Variants in PCDHA2 observed in about 807,000 individuals in gnomAD.
PCDHA2 encodes the protein protocadherin alpha 2.
A neutral mutation model predicts 66.0 loss-of-function variants in PCDHA2; 58 were observed. The ratio of observed to expected loss-of-function variants is 0.88; its 90% CI spans 0.71 to 1.09. PCDHA2 has a LOEUF of 1.09. Ranked by LOEUF, PCDHA2 falls within the 50% of genes least tolerant of loss-of-function variation. PCDHA2 has a pLI of 0.00. For missense variants in PCDHA2, 1,267 were observed against 1,242.3 expected, an observed-to-expected ratio of 1.02 and a Z score of -0.30; for synonymous variants, 634 against 554.0, an observed-to-expected ratio of 1.14 and a Z score of -2.03.
rs782516685 is a variant in PCDHA2, at chr5:140,883,846, G to T, written c.2388+86494G>T. ...ACGCGCTGCAGCCGTTGGACCACGAGGAGCTGGAGCTGTTGCAGTTCCAGG... is the reference window on the plus strand; with the variant it reads ...ACGCGCTGCAGCCGTTGGACCACGATGAGCTGGAGCTGTTGCAGTTCCAGG... On this transcript the variant is annotated intron_variant, in intron 1 of 3. Coordinates refer to ENST00000526136, the MANE Select transcript of PCDHA2 (RefSeq NM_018905.3). 7 of 1,612,790 alleles carry T rather than the reference G, an allele frequency of 4.3e-6. No individual in the cohort carries two copies. In the East Asian group the frequency reaches 1.3e-4, roughly 31 times the overall value.
At chr5:140,827,284 CA>C (rs1769236667) in intron 1 of PCDHA2, among the ~76,000 whole-genome samples, 1 of 152,058 alleles carries the variant, frequency 6.6e-6, no homozygotes, top group African/African-American at 2.4e-5. Flanking sequence ...GCTGAAGAAT[CA>C]AAAACAGCAA....
At chr5:140,805,461 G>A (rs1255344487) in intron 1 of PCDHA2, 5 of 1,015,688 alleles carry the variant, frequency 4.9e-6, no homozygotes, top group African/African-American at 1.7e-5. Flanking sequence ...TTGTGTGAGT[G>A]TAGTTCTTCA....
At chr5:140,882,318 G>T (rs534213144) in intron 1 of PCDHA2, 1 of 1,614,128 alleles carries the variant, frequency 6.2e-7, no homozygotes, top group African/African-American at 1.3e-5. Flanking sequence ...CTACTGCTCT[G>T]GCTTCTGATC....
At chr5:140,857,662 TGGG>T (rs782196034) in intron 1 of PCDHA2, 1 of 1,596,528 alleles carries the variant, frequency 6.3e-7, no homozygotes. Context: ...GCGCGCGCGA[TGGG>T]GGCGTGCCGC....
At chr5:140,808,066 T>A (rs1554124409) in intron 1 of PCDHA2, 1 of 1,614,064 alleles carries the variant, frequency 6.2e-7, no homozygotes. Context: ...AATCCAAGTT[T>A]CACATAGATC....
intron 1 of PCDHA2, chr5:140,854,286 T>A: frequency 1.9e-6 from 1 of 522,000 alleles, no homozygotes; most frequent in Non-Finnish European, 2.5e-6. Flanking sequence ...AGTTTAGTTT[T>A]TATTATTTTG....
At chr5:140,866,322 C>G (rs1235184378) in intron 1 of PCDHA2, 1 of 152,052 alleles carries the variant, frequency 6.6e-6, no homozygotes, top group Non-Finnish European at 1.5e-5. Context: ...TTCAGGGACC[C>G]TGAACTTGGC....
intron 1 of PCDHA2, among the ~76,000 whole-genome samples, chr5:140,798,310 A>T (rs1762314857): frequency 6.6e-6 from 1 of 152,246 alleles, no homozygotes; most frequent in African/African-American, 2.4e-5. Context: ...TATAAGTAAA[A>T]TAACCCATTA....
intron 1 of PCDHA2, chr5:140,857,965 T>C: frequency 6.3e-7 from 1 of 1,597,084 alleles, no homozygotes; most frequent in Non-Finnish European, 8.6e-7. Context: ...TGGATGAGAC[T>C]GACTCGCCAC....
At chr5:140,807,516 T>C (rs782377477) in intron 1 of PCDHA2, 2 of 1,613,702 alleles carry the variant, frequency 1.2e-6, no homozygotes, top group African/African-American at 2.7e-5. Flanking sequence ...GAGGTGATCG[T>C]AGACAGGCCG....
At chr5:140,837,012 C>T in intron 1 of PCDHA2, 1 of 303,606 alleles carries the variant, frequency 3.3e-6, no homozygotes, top group South Asian at 7.9e-5. Context: ...AATGGATTCA[C>T]CTTTCTTCTA....
At chr5:140,935,767 T>C (rs1373324342) in intron 1 of PCDHA2, among the ~76,000 whole-genome samples, 2 of 152,184 alleles carry the variant, frequency 1.3e-5, no homozygotes, top group Non-Finnish European at 2.9e-5. Flanking sequence ...TCTTCCCCAC[T>C]TTGAGTTTTT....
chr5:140,801,647 T>C (rs1554121607), intron 1 of PCDHA2: 2 of 1,614,218 alleles, frequency 1.2e-6, no homozygotes, highest in Non-Finnish European at 1.7e-6. Context: ...AGCCTGGCTC[T>C]CGGTTTTCGC....
chr5:141,007,498 G>A (rs936217793), intron 3 of PCDHA2, among the ~76,000 whole-genome samples: 1 of 151,942 alleles, frequency 6.6e-6, no homozygotes. Flanking sequence ...GACCTAGGAG[G>A]CAGAGACTGC....
intron 1 of PCDHA2, among the ~76,000 whole-genome samples, chr5:140,935,239 A>G (rs1554210410): frequency 1.3e-5 from 2 of 152,172 alleles, no homozygotes. Flanking sequence ...TCTATTTTTT[A>G]AAAGATAAAA....
chr5:140,888,886 T>TA (rs2062023222), intron 1 of PCDHA2, among the ~76,000 whole-genome samples: 1 of 152,036 alleles, frequency 6.6e-6, no homozygotes, highest in South Asian at 2.1e-4. Flanking sequence ...ATTAAAACAT[T>TA]AGAATTGAGG....
In PCDHA2 at chr5:140,863,367, G is replaced by A. The variant is rs782714685; in HGVS notation, c.2388+66015G>A. The A allele has an allele frequency of 1.5e-5, 18 of 1,191,312 alleles. No homozygotes were observed. The East Asian group carries it at 5.3e-4, about 35-fold the overall frequency. The allele number at this position is 1,191,312 out of a possible 1,614,324, so 73.8% of individuals were successfully genotyped here. A position where few individuals can be genotyped will look rare whatever the true frequency, so the allele number is the denominator to read the frequency against. ...TGTACACGACGCTGCGGTGCTTGGC[G>A]CAGCTCACCGAGAGCTCGTGCATGC... is the stretch of plus-strand genomic sequence containing the variant. On this transcript the variant is annotated intron_variant, in intron 1 of 3. Transcript: ENST00000526136.
Position 140,891,839 on chromosome 5 carries a change from T to C in PCDHA2, c.2389-87110T>C, listed in dbSNP as rs10074902. Among the ~76,000 whole-genome samples, 663 of 152,284 alleles carry C rather than the reference T, an allele frequency of 4.4e-3. 7 individuals carry two copies. The highest frequency in any genetic ancestry group is 0.015 in the African/African-American group (618 of 41,564). On this transcript the variant is annotated intron_variant, in intron 1 of 3. Coordinates refer to ENST00000526136, the MANE Select transcript of PCDHA2 (RefSeq NM_018905.3). ...TTAACGGCACTGTAAAAGGACTTGA[T>C]GGAAGGAGCCTGTCCCTCTCTTATG...
intron 1 of PCDHA2, chr5:140,823,759 G>GCCACAT: frequency 6.2e-7 from 1 of 1,613,910 alleles, no homozygotes; most frequent in Non-Finnish European, 8.5e-7. Flanking sequence ...GACAGCCACA[G>GCCACAT]CCACAGTGCT....
Sources: gnomAD v4.1 joint callset for allele counts (sites outside exome capture counted in the v4.1 genomes callset) on GRCh38, gnomAD v4.1.1 for gene constraint, MANE v1.5 for transcripts, NCBI Gene and HGNC (gene_info 2026-07-23, HGNC 2026-07-21) for gene names.